Variants in HEXB observed in about 807,000 individuals in gnomAD.
HEXB encodes hexosaminidase subunit beta, also known as beta-hexosaminidase subunit beta.
A neutral mutation model predicts 71.2 loss-of-function variants in HEXB; 51 were observed. That is an observed-to-expected ratio of 0.72 (90% CI 0.57 to 0.90). The LOEUF is 0.90. Ranked by LOEUF, HEXB falls within the 40% of genes least tolerant of loss-of-function variation. HEXB has a pLI of 0.00. For synonymous variants in HEXB, 266 were observed against 249.3 expected (o/e 1.07, Z -0.63); for missense variants, 617 against 677.0 (o/e 0.91, Z 0.98).
chr5:74,644,303 G>A (rs1747960703), intron 1 of HEXB, among the ~76,000 whole-genome samples: 1 of 152,244 alleles, frequency 6.6e-6, no homozygotes, highest in Admixed American at 6.5e-5. Flanking sequence ...CCCAGTTGCT[G>A]AATGCAGCTT....
chr5:74,684,576 G>C (rs1748804173), upstream of HEXB, among the ~76,000 whole-genome samples: 1 of 152,202 alleles, frequency 6.6e-6, no homozygotes, highest in Non-Finnish European at 1.5e-5. Flanking sequence ...CCGAAGCCAG[G>C]GATCCACAGG....
rs1177288071 is a variant in HEXB at position 74,705,206 on chromosome 5, T to C, written c.670-13T>C. 1 of 1,500,902 alleles carries C rather than the reference T, an allele frequency of 6.7e-7. No individual in the cohort carries two copies. The highest frequency in any genetic ancestry group is 9.3e-7 in the Non-Finnish European group (1 of 1,077,132). The allele number at this position is 1,500,902 out of a possible 1,614,324, so 93.0% of individuals were successfully genotyped here. On this transcript the variant is annotated splice_polypyrimidine_tract_variant and intron_variant, in intron 5 of 13. Transcript: ENST00000261416. ...ATCTGCAGTAAATAATTTTTAAATA[T>C]GTTTGCTTGCAGGATGCCATGGCTT... is the stretch of plus-strand genomic sequence containing the variant.
chr5:74,696,542 A>T (rs1380356534), intron 3 of HEXB, 151 bp from the exon 4 acceptor site: 3 of 556,442 alleles, frequency 5.4e-6, no homozygotes, highest in Non-Finnish European at 6.4e-6. Flanking sequence ...TAGAGGGTGT[A>T]GGTATAACAA....
intron 2 of HEXB, among the ~76,000 whole-genome samples, chr5:74,692,393 A>C (rs1432541472): frequency 6.6e-6 from 1 of 151,734 alleles, no homozygotes; most frequent in Non-Finnish European, 1.5e-5. Context: ...ACATGCCTAC[A>C]GTCCCAGCTA....
At chr5:74,674,225 G>T (rs1348690558) in intron 1 of HEXB, among the ~76,000 whole-genome samples, 2 of 152,134 alleles carry the variant, frequency 1.3e-5, no homozygotes, top group African/African-American at 4.8e-5. Context: ...AATAATCATT[G>T]GTTGTTTGTC....
intron 1 of HEXB, among the ~76,000 whole-genome samples, chr5:74,655,457 C>A (rs1014721284): frequency 6.6e-6 from 1 of 151,514 alleles, no homozygotes; most frequent in African/African-American, 2.4e-5. Context: ...AGATTACAGG[C>A]CTGCACCACA....
Position 74,641,027 on chromosome 5 carries a change from C to T in HEXB, c.-377+469C>T, listed in dbSNP as rs544370897. On this transcript the variant is annotated intron_variant, in intron 1 of 13. Transcript: ENST00000511181. This position sits in a 1 kb window ranked among gnomAD's most constrained non-coding sequence, Gnocchi z 4.1. ...GGGAACCGAGAATAAAATAAGTTTTCCCGGGTTCGAGTGTCTGCGCCTCTT... is the reference window on the plus strand; with the variant it reads ...GGGAACCGAGAATAAAATAAGTTTTTCCGGGTTCGAGTGTCTGCGCCTCTT... 6.6e-6 allele frequency: 1 copy of T among 152,334 alleles called. No individual in the cohort carries two copies. The highest frequency in any genetic ancestry group is 2.1e-4 in the South Asian group (1 of 4,824). 9.4% of individuals were successfully genotyped at this position (152,334 alleles called of 1,614,324 possible). A position where few individuals can be genotyped will look rare whatever the true frequency, so the allele number is the denominator to read the frequency against.
At chr5:74,685,583 G>C in intron 1 of HEXB, 24 bp downstream of exon 1, 1 of 1,529,394 alleles carries the variant, frequency 6.5e-7, no homozygotes, top group African/African-American at 1.4e-5. Flanking sequence ...GCCCGGCCGG[G>C]AGTTGTCCTG....
intron 10 of HEXB, 33 bp downstream of exon 10, chr5:74,718,396 TA>T: frequency 6.9e-7 from 1 of 1,440,638 alleles, no homozygotes; most frequent in South Asian, 1.1e-5. Context: ...CTGATCAATA[TA>T]AGAGACTTAA....
chr5:74,652,600 T>A lies in HEXB; in HGVS notation c.-377+12042T>A, dbSNP rs1350828773. On this transcript the variant is annotated intron_variant, in intron 1 of 13. Transcript: ENST00000511181. This position sits in a 1 kb window ranked among gnomAD's most constrained non-coding sequence, Gnocchi z 5.4. ...AGAACTTTTTACCATAAGACCCTAATCTGCTAGTTTGGTGGAAACTTCATT... is the reference window on the plus strand; with the variant it reads ...AGAACTTTTTACCATAAGACCCTAAACTGCTAGTTTGGTGGAAACTTCATT... 6.6e-6 allele frequency among the ~76,000 whole-genome samples: 1 copy of A among 152,194 alleles called. No homozygotes were observed. Among genetic ancestry groups the A allele is most frequent in the Non-Finnish European group, 1.5e-5 (1 of 68,036 alleles).
At chr5:74,688,622 C>T (rs945740856) in intron 1 of HEXB, among the ~76,000 whole-genome samples, 6 of 152,218 alleles carry the variant, frequency 3.9e-5, no homozygotes, top group Non-Finnish European at 8.8e-5. Context: ...GGATTACAGG[C>T]ATGAGCCACT....
chr5:74,715,814 C>CT (rs1351367115), intron 8 of HEXB, 124 bp downstream of exon 8: 3 of 700,886 alleles, frequency 4.3e-6, no homozygotes, highest in Non-Finnish European at 7.6e-6. Flanking sequence ...GTCAGGAGTT[C>CT]AAGACCAGCC....
intron 1 of HEXB, among the ~76,000 whole-genome samples, chr5:74,675,230 A>C (rs1255579316): frequency 1.3e-5 from 2 of 152,202 alleles, no homozygotes; most frequent in African/African-American, 4.8e-5. Flanking sequence ...ATCAGACATC[A>C]AGGATGGGGA....
Position 74,721,129 on chromosome 5 carries a change from C to A in HEXB, c.1625C>A (p.Ala542Asp), listed in dbSNP as rs767663018. Reference sequence around the variant, plus strand: ...CATGTTATCTACAGACGTGGAATAGCTGCACAACCTCTTTATGCTGGATAT... The same window carrying A: ...CATGTTATCTACAGACGTGGAATAGATGCACAACCTCTTTATGCTGGATAT... ...HRCRMVERGI[A>D]AQPLYAGYCN... The change falls in exon 14 of 14, where the codon GCT becomes GAT. Residue 542 changes from alanine (A) to aspartate (D), a missense_variant. Ala to Asp is a moderately radical substitution (Grantham distance 126). Coordinates refer to ENST00000261416, the MANE Select transcript of HEXB (RefSeq NM_000521.4). 3 of 1,612,220 alleles carry A rather than the reference C, an allele frequency of 1.9e-6. No individual in the cohort carries two copies. The highest frequency in any genetic ancestry group is 2.2e-5 in the East Asian group (1 of 44,780).
At chr5:74,704,186 C>A (rs1749325849) in intron 5 of HEXB, among the ~76,000 whole-genome samples, 1 of 152,146 alleles carries the variant, frequency 6.6e-6, no homozygotes, top group Non-Finnish European at 1.5e-5. Context: ...TTCCAGTTAA[C>A]ACCTATATTT....
At chr5:74,670,857 G>A (rs1357472504) in intron 1 of HEXB, among the ~76,000 whole-genome samples, 1 of 152,042 alleles carries the variant, frequency 6.6e-6, no homozygotes, top group African/African-American at 2.4e-5. Flanking sequence ...CAATTGGCTG[G>A]ACCCCGCACT....
In HEXB at chr5:74,643,751, C is replaced by T. The variant is rs965439137; in HGVS notation, c.-377+3193C>T. Among the ~76,000 whole-genome samples, 3 of 152,268 alleles carry T rather than the reference C, an allele frequency of 2.0e-5. No individual in the cohort carries two copies. The East Asian group carries it at 5.8e-4, about 29-fold the overall frequency. ...ATTAATGAGAATGATTTAATTAACA[C>T]GGTGCGATCATGGTACCAGGGACAG... On this transcript the variant is annotated intron_variant, in intron 1 of 13. Coordinates refer to the HEXB transcript ENST00000511181.
intron 1 of HEXB, among the ~76,000 whole-genome samples, chr5:74,660,215 C>G (rs975182519): frequency 6.6e-6 from 1 of 152,190 alleles, no homozygotes; most frequent in Admixed American, 6.6e-5. Flanking sequence ...CTAATTGTAT[C>G]CCAAACAATA....
At chr5:74,651,810 C>A (rs1170078383) in intron 1 of HEXB, among the ~76,000 whole-genome samples, 1 of 152,198 alleles carries the variant, frequency 6.6e-6, no homozygotes, top group Admixed American at 6.5e-5. Flanking sequence ...TGAGGTAATT[C>A]ATTTCTGCTC....
Sources: gnomAD v4.1 joint callset for allele counts (sites outside exome capture counted in the v4.1 genomes callset) on GRCh38, gnomAD v4.1.1 for gene constraint, Gnocchi (gnomAD v3.1) non-coding constraint, MANE v1.5 for transcripts, NCBI Gene and HGNC (gene_info 2026-07-23, HGNC 2026-07-21) for gene names.